The following TUBA4A variants were observed in gnomAD, a reference collection of about 807,000 sequenced individuals.
The protein encoded by TUBA4A is tubulin alpha-4A chain.
In TUBA4A, 23 loss-of-function variants were observed where a neutral mutation model predicts 34.3. The observed-to-expected ratio is 0.67, with a 90% CI of 0.48 to 0.95. TUBA4A has a LOEUF of 0.95. Ranked by LOEUF, TUBA4A falls within the 40% of genes least tolerant of loss-of-function variation. The pLI, the probability that TUBA4A is intolerant of heterozygous loss-of-function variation, is 0.00. For synonymous variants in TUBA4A, 216 were observed against 230.5 expected (o/e 0.94, Z 0.57); for missense variants, 279 against 599.0 (o/e 0.47, Z 5.58).
upstream of TUBA4A, chr2:219,254,253 G>T (rs45476301): frequency 0.02 from 3,714 of 186,706 alleles, 153 homozygotes; most frequent in African/African-American, 0.081. Context: ...CGGTCATCCA[G>T]GTGTTCTGAC....
At chr2:219,254,494 A>C (rs545928182), upstream of TUBA4A, 1 of 152,312 alleles carries the variant, frequency 6.6e-6, no homozygotes, top group South Asian at 2.1e-4. Flanking sequence ...TGAGCCCCAG[A>C]TTGCCAATGC....
At chr2:219,253,763 C>T (rs1278567131) in intron 1 of TUBA4A, 93 bp downstream of exon 1, 37 of 1,457,422 alleles carry the variant, frequency 2.5e-5, no homozygotes, top group Admixed American at 4.5e-5. Context: ...CCGGAACGCC[C>T]GGTGGAGGTC....
upstream of TUBA4A, chr2:219,254,001 GC>G: frequency 1.2e-6 from 1 of 849,242 alleles, no homozygotes; most frequent in Non-Finnish European, 1.7e-6. Flanking sequence ...AGGCTGGGCG[GC>G]CCGCAGGCCA....
intron 1 of TUBA4A, chr2:219,253,354 C>CGG (rs60456844): frequency 0.069 from 87,182 of 1,266,220 alleles, 362 homozygotes; most frequent in South Asian, 0.12. Context: ...TGCTGAGTCA[C>CGG]GGGGGGGGGG....
At chr2:219,253,033 G>T in intron 1 of TUBA4A, 2 of 808,604 alleles carry the variant, frequency 2.5e-6, no homozygotes, top group East Asian at 4.3e-5. Context: ...GGCCCCAGAG[G>T]TGACCCGCCT....
At position 219,252,540 on chromosome 2, in the gene TUBA4A, G is replaced by GC. The variant is rs769071340; in HGVS notation, c.4-311dup. ...TAGAGGTATGGGTTTACAGCTAGAG[G>GC]CCCCCCCCCCACTTGATTAATTATT... is the stretch of plus-strand genomic sequence containing the variant. On this transcript the variant is annotated intron_variant, in intron 1 of 3. Transcript: ENST00000248437. The surrounding 1 kb of genome is among the most constrained non-coding windows in gnomAD (Gnocchi z 4.1). 0.046 allele frequency among the ~76,000 whole-genome samples: 6,443 copies of GC among 140,336 alleles called. 340 individuals are homozygous for GC. Among genetic ancestry groups the GC allele is most frequent in the African/African-American group, 0.14 (5,086 of 35,424 alleles). The allele number at this position is 140,336 out of a possible 152,430, so 92.1% of individuals were successfully genotyped here. A position where few individuals can be genotyped will look rare whatever the true frequency, so the allele number is the denominator to read the frequency against.
At position 219,251,060 on chromosome 2, in the gene TUBA4A, G is replaced by A. The variant is rs1289272420; in HGVS notation, c.639C>T (p.Cys213=). 3.1e-6 allele frequency: 5 copies of A among 1,614,098 alleles called. No individual in the cohort carries two copies. Among genetic ancestry groups the A allele is most frequent in the Admixed American group, 1.7e-5 (1 of 60,008 alleles). ...GGCGCTCGATGTCTAGGTTGCGGCG[G>A]CAGATGTCATAGATTGCTTCGTTGT... The part of the protein sequence containing the change: ...MVDNEAIYDI[C]RRNLDIERPT... The change falls in exon 4 of 4, where the codon TGC becomes TGT. Residue 213 remains cysteine (C), a synonymous_variant. Coordinates refer to ENST00000248437, the MANE Select transcript of TUBA4A (RefSeq NM_006000.3). This position sits in a 1 kb window ranked among gnomAD's most constrained non-coding sequence, Gnocchi z 6.1.
intron 1 of TUBA4A, chr2:219,253,257 G>A (rs2125071242): frequency 1.3e-6 from 2 of 1,491,926 alleles, no homozygotes; most frequent in South Asian, 1.3e-5. Context: ...CTGCCCATCC[G>A]CGCACCCGGG....
At chr2:219,253,691 G>A (rs113904016) in intron 1 of TUBA4A, among the ~76,000 whole-genome samples, 165 bp downstream of exon 1, 7 of 152,194 alleles carry the variant, frequency 4.6e-5, no homozygotes, top group Non-Finnish European at 1.0e-4. Flanking sequence ...ATACGGCTCG[G>A]CCAAAGTCAC....
rs936444891 is a variant in TUBA4A at position 219,252,848 on chromosome 2, G to C, written c.4-618C>G. The C allele has an allele frequency of 6.4e-6, 3 of 472,336 alleles. No homozygotes were observed. The highest frequency in any genetic ancestry group is 1.4e-4 in the East Asian group (2 of 14,416). The allele number at this position is 472,336 out of a possible 1,614,324, so 29.3% of individuals were successfully genotyped here. A position where few individuals can be genotyped will look rare whatever the true frequency, so the allele number is the denominator to read the frequency against. ...ATGCTTGTAAGCTCAGACAGCAGGG[G>C]CCAGCAATAAGGTTTGAGGGTACTG... On this transcript the variant is annotated intron_variant, in intron 1 of 3. Coordinates refer to ENST00000248437, the MANE Select transcript of TUBA4A (RefSeq NM_006000.3). This position sits in a 1 kb window ranked among gnomAD's most constrained non-coding sequence, Gnocchi z 4.1.
chr2:219,252,150 A>G lies in TUBA4A; in HGVS notation c.84T>C (p.His28=), dbSNP rs145576984. Reference sequence around the variant, plus strand: ...GCATCTGCCCATCAGGCTGAATCCCATGTTCCAAGCAATAGAGCTCCCAGC... The same window carrying G: ...GCATCTGCCCATCAGGCTGAATCCCGTGTTCCAAGCAATAGAGCTCCCAGC... ...NACWELYCLE[H]GIQPDGQMPS... is the part of the protein sequence containing the mutation. The change falls in exon 2 of 4, where the codon CAT becomes CAC. Residue 28 remains histidine, a synonymous_variant. Transcript: ENST00000248437. This position sits in a 1 kb window ranked among gnomAD's most constrained non-coding sequence, Gnocchi z 4.1. 15 of 1,614,058 alleles carry G rather than the reference A, an allele frequency of 9.3e-6. No homozygotes were observed. In the African/African-American group the frequency reaches 1.3e-4, roughly 14 times the overall value.
chr2:219,251,503 A>G lies in TUBA4A; in HGVS notation c.375+62T>C. On this transcript the variant is annotated intron_variant, in intron 3 of 3. Transcript: ENST00000248437. This position sits in a 1 kb window ranked among gnomAD's most constrained non-coding sequence, Gnocchi z 6.1. ...ATGACCTCCTGAAAGGATCTGAAAA[A>G]AAATATTCCTGACCATTAGCACAGT... The G allele has an allele frequency of 6.3e-7, 1 of 1,575,062 alleles. No individual in the cohort carries two copies. The highest frequency in any genetic ancestry group is 8.6e-7 in the Non-Finnish European group (1 of 1,157,016).
chr2:219,252,210 G>A lies in TUBA4A; in HGVS notation c.24C>T (p.His8=), dbSNP rs1461694331. MRECISV[H]VGQAGVQMGN... is the part of the protein sequence containing the mutation. Reference sequence around the variant, plus strand: ...CCATCTGGACACCTGCCTGCCCCACGTGGACTGAGATGCATTCACGCTGAG... The same window carrying A: ...CCATCTGGACACCTGCCTGCCCCACATGGACTGAGATGCATTCACGCTGAG... Residue 8 remains histidine, a synonymous_variant, in exon 2 of 4, where the codon CAC becomes CAT. Transcript: ENST00000248437. The surrounding 1 kb of genome is among the most constrained non-coding windows in gnomAD (Gnocchi z 4.1). 6.2e-6 allele frequency: 10 copies of A among 1,613,936 alleles called. No homozygotes were observed. The highest frequency in any genetic ancestry group is 1.3e-5 in the African/African-American group (1 of 75,010).
At chr2:219,254,056 G>C, upstream of TUBA4A, 1 of 489,858 alleles carries the variant, frequency 2.0e-6, no homozygotes, top group Non-Finnish European at 3.6e-6. Flanking sequence ...GGCGGAGCCT[G>C]GCCTGGTACC....
rs746937350 is a variant in TUBA4A at position 219,250,586 on chromosome 2, C to T, written c.1113G>A (p.Val371=). ...TGCTCAGCATGCACACGGCACGCTG[C>T]ACCTTGGCCAGGTCACCCCCAGGCA... The part of the protein sequence containing the change: ...TVVPGGDLAK[V]QRAVCMLSNT... Residue 371 remains valine (V), a synonymous_variant, in exon 4 of 4, where the codon GTG becomes GTA. Coordinates refer to ENST00000248437, the MANE Select transcript of TUBA4A (RefSeq NM_006000.3). The surrounding 1 kb of genome is among the most constrained non-coding windows in gnomAD (Gnocchi z 8.4). 3.7e-6 allele frequency: 6 copies of T among 1,614,240 alleles called. No homozygotes were observed. In the East Asian group the frequency reaches 6.7e-5, roughly 18 times the overall value.
chr2:219,250,684 G>A lies in TUBA4A; in HGVS notation c.1015C>T (p.Arg339Cys), dbSNP rs752044060. 7.4e-6 allele frequency: 12 copies of A among 1,614,212 alleles called. No individual in the cohort carries two copies. The highest frequency in any genetic ancestry group is 2.2e-5 in the East Asian group (1 of 44,888). Reference sequence around the variant, plus strand: ...CACCAGTCCACAAACTGAATGCTGCGCTTGGTCTTGATGGCGGCAATGGCA... The same window carrying A: ...CACCAGTCCACAAACTGAATGCTGCACTTGGTCTTGATGGCGGCAATGGCA... The part of the protein sequence containing the change: ...NAAIAAIKTK[R>C]SIQFVDWCPT... The change falls in exon 4 of 4, where the codon CGC becomes TGC. Residue 339 changes from arginine (R) to cysteine (C), a missense_variant. Transcript: ENST00000248437. This position sits in a 1 kb window ranked among gnomAD's most constrained non-coding sequence, Gnocchi z 8.4.
Position 219,252,280 on chromosome 2 carries a change from C to T in TUBA4A, c.4-50G>A. The T allele has an allele frequency of 6.5e-7, 1 of 1,541,378 alleles. No individual in the cohort carries two copies. The highest frequency in any genetic ancestry group is 1.1e-5 in the South Asian group (1 of 88,636). ...AGCATGAGCCCCACATCCACAAGTC[C>T]TCACCTTGCGAGTCTCTCTTCCACC... On this transcript the variant is annotated intron_variant, in intron 1 of 3. Transcript: ENST00000248437. This position sits in a 1 kb window ranked among gnomAD's most constrained non-coding sequence, Gnocchi z 4.1.
Position 219,252,097 on chromosome 2 carries a change from T to TC in TUBA4A, c.136dup (p.Asp46GlyfsTer10). 1 of 1,614,062 alleles carries TC rather than the reference T, an allele frequency of 6.2e-7. No individual in the cohort carries two copies. The highest frequency in any genetic ancestry group is 8.5e-7 in the Non-Finnish European group (1 of 1,179,994). On this transcript the variant is annotated frameshift_variant, in exon 2 of 4. Transcript: ENST00000248437. LOFTEE classifies it high-confidence loss of function. This position sits in a 1 kb window ranked among gnomAD's most constrained non-coding sequence, Gnocchi z 4.1. ...ACAGAAGAAGGTGGTGAAGGAGTCG[T>TC]CCCCTCCACCAATGGTCTTGTCACT...
chr2:219,250,323 A>C lies in TUBA4A; in HGVS notation c.*29T>G. Reference sequence around the variant, plus strand: ...TTATTTCGAAAGGATTTTGCAATAAACATAGTGAATAGGCTCCAGGCAGCT... The same window carrying C: ...TTATTTCGAAAGGATTTTGCAATAACCATAGTGAATAGGCTCCAGGCAGCT... On this transcript the variant is annotated 3_prime_UTR_variant, in exon 4 of 4. Transcript: ENST00000248437. This position sits in a 1 kb window ranked among gnomAD's most constrained non-coding sequence, Gnocchi z 8.4. 1 of 1,577,648 alleles carries C rather than the reference A, an allele frequency of 6.3e-7. No individual in the cohort carries two copies.
Sources: allele counts gnomAD v4.1 joint callset (sites outside exome capture counted in the v4.1 genomes callset), GRCh38; gene constraint gnomAD v4.1.1; non-coding constraint Gnocchi (gnomAD v3.1); transcripts MANE v1.5; gene names NCBI Gene and HGNC (gene_info 2026-07-23, HGNC 2026-07-21).